KLK2: variants seen among roughly 807,000 people sequenced by gnomAD.
KLK2 encodes the protein kallikrein related peptidase 2, also known as kallikrein-2.
KLK2 carries 17 observed loss-of-function variants against 23.0 expected under a neutral mutation model. The observed-to-expected ratio is 0.74, with a 90% CI of 0.51 to 1.11. The LOEUF is 1.11. KLK2 is among the 50% of genes least tolerant of loss of function. KLK2 has a pLI of 0.00. For synonymous variants in KLK2, 140 were observed against 124.7 expected, an observed-to-expected ratio of 1.12 and a Z score of -0.82; for missense variants, 330 against 325.9, an observed-to-expected ratio of 1.01 and a Z score of -0.10.
At chr19:50,876,794 G>T (rs376765680) in intron 3 of KLK2, 36 bp downstream of exon 3, 1 of 1,610,572 alleles carries the variant, frequency 6.2e-7, no homozygotes, top group African/African-American at 1.3e-5. Flanking sequence ...TGGGAGCCCA[G>T]ATGCCTGGGT....
chr19:50,876,557 C>T lies in KLK2; in HGVS notation c.292C>T (p.His98Tyr), dbSNP rs982427872. 18 of 1,614,110 alleles carry T rather than the reference C, an allele frequency of 1.1e-5. No homozygotes were observed. The highest frequency in any genetic ancestry group is 2.2e-5 in the South Asian group (2 of 91,092). Residue 98 changes from histidine to tyrosine, a missense_variant, in exon 3 of 5, where the codon CAC (histidine) becomes TAC (tyrosine). His to Tyr is a moderately conservative substitution (Grantham distance 83, BLOSUM62 2). Transcript: ENST00000325321. ...QRVPVSHSFP[H>Y]PLYNMSLLKH... ...GGTCCCTGTCAGCCACAGCTTCCCACACCCGCTCTACAATATGAGCCTTCT... is the reference window on the plus strand; with the variant it reads ...GGTCCCTGTCAGCCACAGCTTCCCATACCCGCTCTACAATATGAGCCTTCT...
chr19:50,874,701 A>G lies in KLK2; in HGVS notation c.47-20A>G. The G allele has an allele frequency of 6.3e-7, 1 of 1,598,318 alleles. No individual in the cohort carries two copies. Among genetic ancestry groups the G allele is most frequent in the Non-Finnish European group, 8.5e-7 (1 of 1,172,560 alleles). ...AATTCTTTTGGGTCTGATCCCCCTG[A>G]CCCAGCACCCCCTCCGCAGGTGCCG... is the stretch of plus-strand genomic sequence containing the variant. On this transcript the variant is annotated intron_variant, in intron 1 of 4. Transcript: ENST00000325321.
chr19:50,876,693 C>A lies in KLK2; in HGVS notation c.428C>A (p.Thr143Asn). ...TDVVKVLGLPTQEPALGTTCY... is the reference protein window; with the variant it reads ...TDVVKVLGLPNQEPALGTTCY... The stretch of plus-strand genomic sequence containing the variant: ...GTTGTGAAGGTCCTGGGCCTGCCCA[C>A]CCAGGAGCCAGCACTGGGGACCACC... Residue 143 changes from threonine to asparagine, a missense_variant, in exon 3 of 5, where the codon ACC becomes AAC. By Grantham distance (65) the Thr-to-Asn change is moderately conservative. Coordinates refer to ENST00000325321, the MANE Select transcript of KLK2 (RefSeq NM_005551.5). The A allele has an allele frequency of 6.2e-7, 1 of 1,614,210 alleles. No homozygotes were observed. Among genetic ancestry groups the A allele is most frequent in the East Asian group, 2.2e-5 (1 of 44,880 alleles).
Position 50,880,106 on chromosome 19 carries a change from T to C in KLK2, c.*1547T>C, listed in dbSNP as rs1045243846. The C allele has an allele frequency of 6.1e-5, 14 of 228,472 alleles. No individual in the cohort carries two copies. Among genetic ancestry groups the C allele is most frequent in the Middle Eastern group, 1.3e-3 (1 of 780 alleles). The allele number at this position is 228,472 out of a possible 1,614,324, so 14.2% of individuals were successfully genotyped here. ...TTTTATTTGCCTTCTTTTCACACCA[T>C]TGGTGAGGGAGGGATTACCACCCTG... is the stretch of plus-strand genomic sequence containing the variant. On this transcript the variant is annotated 3_prime_UTR_variant, in exon 5 of 5. Transcript: ENST00000325321.
chr19:50,877,476 A>G (rs1159161918), intron 4 of KLK2: 1 of 178,532 alleles, frequency 5.6e-6, no homozygotes, highest in African/African-American at 2.4e-5. Flanking sequence ...GTGAGCAAAC[A>G]CCCGCTGCAG....
rs547583032 is a variant in KLK2 at position 50,874,775 on chromosome 19, A to G, written c.101A>G (p.His34Arg). 9.9e-6 allele frequency: 16 copies of G among 1,613,384 alleles called. No homozygotes were observed. The Admixed American group carries it at 1.7e-4, about 17-fold the overall frequency. ...GTGGGAGGCTGGGAGTGTGAGAAGC[A>G]TTCCCAACCCTGGCAGGTGGCTGTG... ...RIVGGWECEK[H>R]SQPWQVAVYS... The change falls in exon 2 of 5, where the codon CAT (histidine) becomes CGT (arginine). Residue 34 changes from histidine to arginine, a missense_variant. His to Arg is a conservative substitution (Grantham distance 29). Transcript: ENST00000325321.
rs1297303325 is a variant in KLK2, at chr19:50,876,743, A to G, written c.478A>G (p.Ile160Val). The change falls in exon 3 of 5, where the codon ATC (isoleucine) becomes GTC (valine). Residue 160 changes from isoleucine to valine, a missense_variant. By Grantham distance (29) the Ile-to-Val change is conservative. Transcript: ENST00000325321. ...CTGCTACGCCTCAGGCTGGGGCAGCATCGAACCAGAGGAGTGTACGCCTGG... is the reference window on the plus strand; with the variant it reads ...CTGCTACGCCTCAGGCTGGGGCAGCGTCGAACCAGAGGAGTGTACGCCTGG... ...TTCYASGWGS[I>V]EPEEFLRPRS... 1 of 1,613,984 alleles carries G rather than the reference A, an allele frequency of 6.2e-7. No homozygotes were observed. The highest frequency in any genetic ancestry group is 2.2e-5 in the East Asian group (1 of 44,886).
chr19:50,876,245 C>G (rs2090285688), intron 2 of KLK2: 12 of 573,372 alleles, frequency 2.1e-5, no homozygotes, highest in Non-Finnish European at 3.4e-5. Flanking sequence ...ATTTTATGCT[C>G]TCTCTTTTCC....
intron 4 of KLK2, 150 bp from the exon 5 acceptor site, chr19:50,878,254 G>T (rs1201097302): frequency 1.1e-5 from 8 of 732,364 alleles, no homozygotes; most frequent in Non-Finnish European, 1.8e-5. Flanking sequence ...CCATATTCTT[G>T]TGGGAGTGGG....
rs377555535 is a variant in KLK2, at chr19:50,878,536, G to A, written c.763G>A (p.Asp255Asn). 5 of 1,613,654 alleles carry A rather than the reference G, an allele frequency of 3.1e-6. No individual in the cohort carries two copies. In the African/African-American group the frequency reaches 4.0e-5, roughly 13 times the overall value. Residue 255 changes from aspartate to asparagine, a missense_variant, in exon 5 of 5, where the codon GAC becomes AAC. By Grantham distance (23) the Asp-to-Asn change is conservative. Transcript: ENST00000325321. ...KVVHYRKWIK[D>N]TIAANP ...GGTGCATTACCGGAAGTGGATCAAG[G>A]ACACCATCGCAGCCAACCCCTGAGT... is the stretch of plus-strand genomic sequence containing the variant.
At position 50,874,851 on chromosome 19, in the gene KLK2, G is replaced by T; in HGVS notation, c.177G>T (p.Trp59Cys). 1 of 1,612,852 alleles carries T rather than the reference G, an allele frequency of 6.2e-7. No individual in the cohort carries two copies. Among genetic ancestry groups the T allele is most frequent in the Non-Finnish European group, 8.5e-7 (1 of 1,179,258 alleles). Residue 59 changes from tryptophan (W) to cysteine (C), a missense_variant, in exon 2 of 5, where the codon TGG becomes TGT. Trp to Cys is a radical substitution (Grantham distance 215, BLOSUM62 -2). Transcript: ENST00000325321. ...GGGGTGTCCTGGTGCACCCCCAGTG[G>T]GTGCTCACAGCTGCCCATTGCCTAA... Reference protein sequence around the residue: ...HCGGVLVHPQWVLTAAHCLKK... With the variant: ...HCGGVLVHPQCVLTAAHCLKK...
At position 50,874,494 on chromosome 19, in the gene KLK2, G is replaced by T. The variant is rs192881144; in HGVS notation, c.47-227G>T. ...CATGTCCCCTACTCTGATCTCTGGG[G>T]TCAGCTCCGTTCTCAGAGCATGAAG... is the stretch of plus-strand genomic sequence containing the variant. On this transcript the variant is annotated intron_variant, in intron 1 of 4. Coordinates refer to ENST00000325321, the MANE Select transcript of KLK2 (RefSeq NM_005551.5). 6.3e-4 allele frequency: 292 copies of T among 465,986 alleles called. 1 individual carries two copies. Among genetic ancestry groups the T allele is most frequent in the Non-Finnish European group, 9.6e-4 (252 of 261,572 alleles). 28.9% of individuals were successfully genotyped at this position (465,986 alleles called of 1,614,324 possible). A position where few individuals can be genotyped will look rare whatever the true frequency, so the allele number is the denominator to read the frequency against.
chr19:50,875,147 C>G (rs560759036), intron 2 of KLK2: 1 of 368,890 alleles, frequency 2.7e-6, no homozygotes, highest in African/African-American at 2.1e-5. Context: ...TCTCTATGTC[C>G]CTCTCTCTTT....
chr19:50,877,216 T>C, intron 4 of KLK2: 2 of 640,266 alleles, frequency 3.1e-6, no homozygotes, highest in Non-Finnish European at 5.4e-6. Context: ...AATTCACCCA[T>C]TCCTGTGTTG....
Position 50,878,755 on chromosome 19 carries a change from G to A in KLK2, c.*196G>A, listed in dbSNP as rs527965028. The A allele has an allele frequency of 4.0e-6, 2 of 503,802 alleles. No individual in the cohort carries two copies. The highest frequency in any genetic ancestry group is 3.7e-5 in the South Asian group (1 of 26,698). 31.2% of individuals were successfully genotyped at this position (503,802 alleles called of 1,614,324 possible). ...GGAAAAGGAATGGGCAGACACAGGT[G>A]TATGCCAATGTTTCTGAAATGGGTA... On this transcript the variant is annotated 3_prime_UTR_variant, in exon 5 of 5. Coordinates refer to ENST00000325321, the MANE Select transcript of KLK2 (RefSeq NM_005551.5).
chr19:50,877,558 C>T lies in KLK2; in HGVS notation c.630+550C>T, dbSNP rs559134819. ...CCTGCCCAGGCCTGGGAGGAGGGGCCGGGAGGGCGTGAGGAGGAGCGAGGG... is the reference window on the plus strand; with the variant it reads ...CCTGCCCAGGCCTGGGAGGAGGGGCTGGGAGGGCGTGAGGAGGAGCGAGGG... On this transcript the variant is annotated intron_variant, in intron 4 of 4. Coordinates refer to ENST00000325321, the MANE Select transcript of KLK2 (RefSeq NM_005551.5). 3.1e-5 allele frequency: 5 copies of T among 160,434 alleles called. No individual in the cohort carries two copies. In the East Asian group the frequency reaches 5.7e-4, roughly 18 times the overall value. The allele number at this position is 160,434 out of a possible 1,614,324, so 9.9% of individuals were successfully genotyped here. A position where few individuals can be genotyped will look rare whatever the true frequency, so the allele number is the denominator to read the frequency against.
chr19:50,877,209 T>G (rs2090298932), intron 4 of KLK2: 1 of 652,284 alleles, frequency 1.5e-6, no homozygotes, highest in South Asian at 1.9e-5. Flanking sequence ...ACAGCATAAT[T>G]CACCCATTCC....
At chr19:50,875,486 G>A (rs941387188) in intron 2 of KLK2, among the ~76,000 whole-genome samples, 4 of 152,192 alleles carry the variant, frequency 2.6e-5, no homozygotes, top group Non-Finnish European at 4.4e-5. Flanking sequence ...AGGGAGGAAG[G>A]AGAAGGGGAA....
chr19:50,873,644 G>A, intron 1 of KLK2, 125 bp downstream of exon 1: 1 of 667,502 alleles, frequency 1.5e-6, no homozygotes, highest in Non-Finnish European at 2.6e-6. Flanking sequence ...ATGTGCCCCT[G>A]ACTCTTCCAC....
Sources: gnomAD v4.1 joint callset for allele counts (sites outside exome capture counted in the v4.1 genomes callset) on GRCh38, gnomAD v4.1.1 for gene constraint, MANE v1.5 for transcripts, NCBI Gene and HGNC (gene_info 2026-07-23, HGNC 2026-07-21) for gene names.